Variants in NKAIN2 observed in about 807,000 individuals in gnomAD.
NKAIN2 encodes sodium/potassium transporting ATPase interacting 2, also known as sodium/potassium-transporting ATPase subunit beta-1-interacting protein 2.
NKAIN2 carries 14 observed loss-of-function variants against 32.6 expected under a neutral mutation model. That is an observed-to-expected ratio of 0.43 (90% CI 0.28 to 0.67). NKAIN2 has a LOEUF of 0.67. Ranked by LOEUF, NKAIN2 falls within the 30% of genes least tolerant of loss-of-function variation. The probability of loss-of-function intolerance (pLI) is 0.17; values close to 1 mark genes in which losing one functional copy is unlikely to be tolerated. For synonymous variants in NKAIN2, 80 were observed against 87.2 expected, an observed-to-expected ratio of 0.92 and a Z score of 0.46; for missense variants, 198 against 258.3, an observed-to-expected ratio of 0.77 and a Z score of 1.60.
chr6:124,784,676 A>G (rs1212291823), intron 4 of NKAIN2, among the ~76,000 whole-genome samples: 1 of 152,118 alleles, frequency 6.6e-6, no homozygotes, highest in Non-Finnish European at 1.5e-5. Flanking sequence ...ATGAATAGTG[A>G]TGTTATACAT....
intron 2 of NKAIN2, among the ~76,000 whole-genome samples, chr6:124,289,893 A>G (rs1232100272): frequency 1.3e-5 from 2 of 152,208 alleles, no homozygotes; most frequent in African/African-American, 4.8e-5. Context: ...TATTGCAGCT[A>G]AAGCATTAAC....
chr6:124,348,295 T>C (rs1461654670), intron 2 of NKAIN2, among the ~76,000 whole-genome samples: 4 of 152,138 alleles, frequency 2.6e-5, no homozygotes, highest in Non-Finnish European at 5.9e-5. Context: ...AGGGGCCCAC[T>C]TGAGGAGGCA....
chr6:124,107,816 C>T (rs955981436), intron 1 of NKAIN2, among the ~76,000 whole-genome samples: 8 of 152,216 alleles, frequency 5.3e-5, no homozygotes, highest in African/African-American at 1.9e-4. Context: ...TTTCACCCTG[C>T]GTAAGGTGTT....
At chr6:124,599,342 GT>G (rs1195015700) in intron 3 of NKAIN2, among the ~76,000 whole-genome samples, 1 of 152,006 alleles carries the variant, frequency 6.6e-6, no homozygotes, top group East Asian at 1.9e-4. Flanking sequence ...GAGATCCTCT[GT>G]TTAAAAAAAA....
At chr6:124,795,773 G>A (rs559024641) in intron 5 of NKAIN2, among the ~76,000 whole-genome samples, 19 of 152,096 alleles carry the variant, frequency 1.2e-4, no homozygotes, top group African/African-American at 3.9e-4. Flanking sequence ...GCAGCCTTCC[G>A]GGGCCTCTTT....
intron 3 of NKAIN2, among the ~76,000 whole-genome samples, chr6:124,532,129 G>C (rs969819489): frequency 6.6e-6 from 1 of 152,204 alleles, no homozygotes; most frequent in African/African-American, 2.4e-5. Context: ...AGAATGTACA[G>C]ATCTAGATTT....
intron 1 of NKAIN2, among the ~76,000 whole-genome samples, chr6:124,193,287 A>T (rs2114596760): frequency 6.6e-6 from 1 of 152,310 alleles, no homozygotes; most frequent in African/African-American, 2.4e-5. Context: ...GCCAAGGGCA[A>T]GCAGGGCAGC....
chr6:124,598,184 A>G (rs75095016), intron 3 of NKAIN2, among the ~76,000 whole-genome samples: 2 of 152,148 alleles, frequency 1.3e-5, no homozygotes, highest in Non-Finnish European at 2.9e-5. Flanking sequence ...TCTAGGAAAA[A>G]CTAGTTGTGA....
intron 5 of NKAIN2, among the ~76,000 whole-genome samples, chr6:124,799,702 G>A (rs1780168989): frequency 6.6e-6 from 1 of 152,222 alleles, no homozygotes; most frequent in African/African-American, 2.4e-5. Flanking sequence ...GGCAGGGTAA[G>A]TTGAAGTTAT....
chr6:124,811,214 G>T (rs1463369725), intron 5 of NKAIN2, among the ~76,000 whole-genome samples: 1 of 152,044 alleles, frequency 6.6e-6, no homozygotes, highest in Non-Finnish European at 1.5e-5. Flanking sequence ...ATACTTTAGT[G>T]TCTTTCAGTG....
At chr6:124,463,349 G>C (rs961020685) in intron 3 of NKAIN2, among the ~76,000 whole-genome samples, 8 of 151,996 alleles carry the variant, frequency 5.3e-5, no homozygotes, top group Non-Finnish European at 1.0e-4. Flanking sequence ...ACGTTTTACT[G>C]TAGCAAGTGA....
At chr6:123,990,058 C>T in intron 1 of NKAIN2, among the ~76,000 whole-genome samples, 1 of 152,282 alleles carries the variant, frequency 6.6e-6, no homozygotes, top group Middle Eastern at 3.4e-3. Context: ...CAGGTACTTT[C>T]TTCACAGAAT....
intron 3 of NKAIN2, among the ~76,000 whole-genome samples, chr6:124,495,546 G>A (rs746576843): frequency 1.3e-5 from 2 of 152,058 alleles, no homozygotes; most frequent in African/African-American, 2.4e-5. Flanking sequence ...GTAATTCTAA[G>A]TAGCTCCAGC....
intron 1 of NKAIN2, among the ~76,000 whole-genome samples, chr6:124,144,143 C>T (rs907691628): frequency 7.9e-5 from 12 of 152,124 alleles, no homozygotes; most frequent in Non-Finnish European, 1.3e-4. Context: ...TAATTGAAAT[C>T]TGAAAAGAAT....
intron 4 of NKAIN2, among the ~76,000 whole-genome samples, chr6:124,713,267 A>T (rs541892309): frequency 6.6e-6 from 1 of 152,286 alleles, no homozygotes; most frequent in Non-Finnish European, 1.5e-5. Flanking sequence ...TAGAGGAGCA[A>T]ATATTCGAAT....
chr6:124,626,819 T>TATC (rs1783369193), intron 3 of NKAIN2, among the ~76,000 whole-genome samples: 2 of 152,160 alleles, frequency 1.3e-5, no homozygotes, highest in Non-Finnish European at 2.9e-5. Context: ...TAGTTTTACT[T>TATC]ATCAAGACCT....
intron 2 of NKAIN2, among the ~76,000 whole-genome samples, chr6:124,326,712 T>C (rs1000241409): frequency 2.0e-5 from 3 of 152,152 alleles, no homozygotes; most frequent in Non-Finnish European, 4.4e-5. Flanking sequence ...ATCCTGGAGA[T>C]AGACTTGCCA....
At chr6:124,192,452 C>T (rs1472382705) in intron 1 of NKAIN2, among the ~76,000 whole-genome samples, 1 of 152,088 alleles carries the variant, frequency 6.6e-6, no homozygotes, top group Non-Finnish European at 1.5e-5. Flanking sequence ...GATCAAAGAA[C>T]ATATTGTATA....
intron 1 of NKAIN2, among the ~76,000 whole-genome samples, chr6:123,852,307 A>C (rs1484311514): frequency 1.3e-5 from 2 of 152,030 alleles, no homozygotes; most frequent in Non-Finnish European, 2.9e-5. Context: ...TGAGCACTTA[A>C]AATCTACTCT....
Sources: gnomAD v4.1 joint callset for allele counts (sites outside exome capture counted in the v4.1 genomes callset) on GRCh38, gnomAD v4.1.1 for gene constraint, MANE v1.5 for transcripts, NCBI Gene and HGNC (gene_info 2026-07-23, HGNC 2026-07-21) for gene names.